Variants in ZDHHC17 observed in about 807,000 individuals in gnomAD.
The protein encoded by ZDHHC17 is zDHHC palmitoyltransferase 17.
A neutral mutation model predicts 90.3 loss-of-function variants in ZDHHC17; 40 were observed. The observed-to-expected ratio is 0.44, with a 90% CI of 0.34 to 0.58. The LOEUF is 0.58. ZDHHC17 is among the 20% of genes least tolerant of loss of function. ZDHHC17 has a pLI of 0.01. For synonymous variants in ZDHHC17, 235 were observed against 252.4 expected (o/e 0.93, Z 0.65); for missense variants, 614 against 780.8 (o/e 0.79, Z 2.55).
At chr12:76,836,938 T>C (rs1953372058) in intron 10 of ZDHHC17, among the ~76,000 whole-genome samples, 1 of 152,248 alleles carries the variant, frequency 6.6e-6, no homozygotes, top group South Asian at 2.1e-4. Context: ...CTATTTATTT[T>C]AATTAGTATT....
At chr12:76,781,363 T>C (rs902929104) in intron 1 of ZDHHC17, among the ~76,000 whole-genome samples, 1 of 152,242 alleles carries the variant, frequency 6.6e-6, no homozygotes, top group Admixed American at 6.5e-5. Flanking sequence ...TTAAGCGACT[T>C]GTATTTTAAT....
At chr12:76,849,340 A>AAAC (rs757407472) in intron 15 of ZDHHC17, 36 bp from the exon 16 acceptor site, 89 of 1,131,912 alleles carry the variant, frequency 7.9e-5, no homozygotes, top group Non-Finnish European at 1.1e-4. Flanking sequence ...AAAAAAAAAA[A>AAAC]ACAAGAATAA....
chr12:76,799,384 C>T (rs1445880310), intron 2 of ZDHHC17, among the ~76,000 whole-genome samples: 1 of 152,152 alleles, frequency 6.6e-6, no homozygotes, highest in Non-Finnish European at 1.5e-5. Flanking sequence ...CTTTTGGTCT[C>T]TTAATATCCA....
intron 5 of ZDHHC17, among the ~76,000 whole-genome samples, chr12:76,810,563 A>C (rs568055426): frequency 1.3e-5 from 2 of 152,306 alleles, no homozygotes; most frequent in Non-Finnish European, 2.9e-5. Flanking sequence ...TTAAAATTCT[A>C]TGCGGATTTA....
In ZDHHC17 at chr12:76,848,370, C is replaced by G. The variant is rs1433827508; in HGVS notation, c.1645C>G (p.Leu549Val). ...CCACTTCATGTGGGTGGCTGTATTA[C>G]TCATGTGTCAGATGTACCAGGTATG... ...VFHFMWVAVLLMCQMYQISCL... is the reference protein window; with the variant it reads ...VFHFMWVAVLVMCQMYQISCL... The change falls in exon 15 of 17, where the codon CTC becomes GTC. Residue 549 changes from leucine to valine, a missense_variant. Leu to Val is a conservative substitution (Grantham distance 32). Coordinates refer to ENST00000426126, the MANE Select transcript of ZDHHC17 (RefSeq NM_015336.4). 9.3e-6 allele frequency: 15 copies of G among 1,613,874 alleles called. No individual in the cohort carries two copies. The highest frequency in any genetic ancestry group is 1.3e-5 in the Non-Finnish European group (15 of 1,179,826).
intron 10 of ZDHHC17, among the ~76,000 whole-genome samples, chr12:76,837,210 A>C (rs1311320437): frequency 2.6e-5 from 4 of 152,164 alleles, no homozygotes; most frequent in African/African-American, 9.7e-5. Flanking sequence ...ATCTTGATTC[A>C]GGGCAACCTC....
chr12:76,769,862 T>C (rs150715193), intron 1 of ZDHHC17, among the ~76,000 whole-genome samples: 2,312 of 152,326 alleles, frequency 0.015, 27 homozygotes, highest in Non-Finnish European at 0.024. Context: ...AAAATTGTTC[T>C]GGTTTTGAGA....
chr12:76,853,328 T>C lies in ZDHHC17; in HGVS notation c.*2343T>C, dbSNP rs1420870056. ...ACCAACTATAAACCCAGTTCTAAAGTTGTGTATGATGGTGAACCTTTGGGA... is the reference window on the plus strand; with the variant it reads ...ACCAACTATAAACCCAGTTCTAAAGCTGTGTATGATGGTGAACCTTTGGGA... On this transcript the variant is annotated 3_prime_UTR_variant, in exon 17 of 17. Coordinates refer to ENST00000426126, the MANE Select transcript of ZDHHC17 (RefSeq NM_015336.4). The C allele has an allele frequency of 1.3e-5, 2 of 152,632 alleles. No individual in the cohort carries two copies. The highest frequency in any genetic ancestry group is 2.9e-5 in the Non-Finnish European group (2 of 68,008). The allele number at this position is 152,632 out of a possible 1,614,324, so 9.5% of individuals were successfully genotyped here.
At chr12:76,835,058 C>CT (rs56119519) in intron 10 of ZDHHC17, among the ~76,000 whole-genome samples, 1,880 of 139,544 alleles carry the variant, frequency 0.013, 21 homozygotes, top group Non-Finnish European at 0.019. Context: ...AGCCTTAGGC[C>CT]TTTTTTTTTT....
intron 1 of ZDHHC17, among the ~76,000 whole-genome samples, chr12:76,788,254 G>C (rs1294133082): frequency 6.6e-6 from 1 of 152,164 alleles, no homozygotes; most frequent in Non-Finnish European, 1.5e-5. Flanking sequence ...GAAAGCAACA[G>C]ATCCTTTTTA....
chr12:76,795,357 C>A (rs1053553117), intron 1 of ZDHHC17, among the ~76,000 whole-genome samples: 7 of 151,938 alleles, frequency 4.6e-5, no homozygotes, highest in African/African-American at 7.3e-5. Context: ...CATGTCTTAC[C>A]CTATCCTGGG....
At position 76,828,506 on chromosome 12, in the gene ZDHHC17, A is replaced by G. The variant is rs1201107552; in HGVS notation, c.1141+16A>G. The G allele has an allele frequency of 2.5e-6, 4 of 1,608,662 alleles. No homozygotes were observed. The South Asian group carries it at 4.5e-5, about 18-fold the overall frequency. ...TTTTGGAATGATATCCTTTGGTTAT[A>G]AAGATCATACCAAAAACAAATTTTG... is the stretch of plus-strand genomic sequence containing the variant. On this transcript the variant is annotated intron_variant, in intron 10 of 16. Coordinates refer to ENST00000426126, the MANE Select transcript of ZDHHC17 (RefSeq NM_015336.4).
At position 76,847,856 on chromosome 12, in the gene ZDHHC17, T is replaced by TG. The variant is rs1249664821; in HGVS notation, c.1508-375dup. Among the ~76,000 whole-genome samples, 4 of 152,092 alleles carry TG rather than the reference T, an allele frequency of 2.6e-5. No homozygotes were observed. In the East Asian group the frequency reaches 7.7e-4, roughly 29 times the overall value. ...CTGGGTGACAGAGCGAGACCTTGTC[T>TG]GGAAAAAAAAGCTCATGTCACCATC... On this transcript the variant is annotated intron_variant, in intron 14 of 16. Coordinates refer to ENST00000426126, the MANE Select transcript of ZDHHC17 (RefSeq NM_015336.4).
intron 1 of ZDHHC17, among the ~76,000 whole-genome samples, chr12:76,765,988 C>T (rs901333027): frequency 6.6e-6 from 1 of 152,234 alleles, no homozygotes; most frequent in African/African-American, 2.4e-5. Flanking sequence ...AGGCATGAGC[C>T]ACCATGCCAG....
intron 1 of ZDHHC17, among the ~76,000 whole-genome samples, chr12:76,774,871 C>G (rs1952540586): frequency 6.6e-6 from 1 of 152,184 alleles, no homozygotes; most frequent in South Asian, 2.1e-4. Flanking sequence ...AGCGAAATTG[C>G]AATAGTGACT....
chr12:76,826,301 T>C (rs1318456875), intron 8 of ZDHHC17, among the ~76,000 whole-genome samples: 3 of 152,176 alleles, frequency 2.0e-5, no homozygotes, highest in Non-Finnish European at 4.4e-5. Context: ...GTATGGACTT[T>C]AACAACCAGA....
intron 12 of ZDHHC17, chr12:76,845,475 C>T (rs1261664598): frequency 4.2e-6 from 1 of 235,996 alleles, no homozygotes; most frequent in Non-Finnish European, 8.1e-6. Context: ...GGTTCAGTTC[C>T]ATTCTTAAGA....
intron 1 of ZDHHC17, among the ~76,000 whole-genome samples, chr12:76,772,975 G>A (rs1952513794): frequency 1.3e-5 from 2 of 151,910 alleles, no homozygotes. Context: ...TCCTGCCTCA[G>A]CCTCCCTCCC....
chr12:76,848,195 T>G (rs893437715), intron 14 of ZDHHC17, 38 bp from the exon 15 acceptor site: 3 of 1,608,898 alleles, frequency 1.9e-6, no homozygotes, highest in Non-Finnish European at 2.6e-6. Context: ...GCTTGGATGA[T>G]TATTGAGTAA....
Sources: gnomAD v4.1 joint callset for allele counts (sites outside exome capture counted in the v4.1 genomes callset) on GRCh38, gnomAD v4.1.1 for gene constraint, MANE v1.5 for transcripts, NCBI Gene and HGNC (gene_info 2026-07-23, HGNC 2026-07-21) for gene names.